The following ARMH3 variants were observed in gnomAD, a reference collection of about 807,000 sequenced individuals.
ARMH3 encodes the protein armadillo-like helical domain-containing protein 3.
In ARMH3, 60 loss-of-function variants were observed where a neutral mutation model predicts 99.1. The ratio of observed to expected loss-of-function variants is 0.61; its 90% CI spans 0.49 to 0.75. The LOEUF (loss-of-function observed/expected upper bound fraction) is 0.75. ARMH3 is among the 30% of genes least tolerant of loss of function. The pLI, the probability that ARMH3 is intolerant of heterozygous loss-of-function variation, is 0.00. For missense variants in ARMH3, 679 were observed against 843.1 expected (o/e 0.81, Z 2.41); for synonymous variants, 285 against 292.8 (o/e 0.97, Z 0.27).
At chr10:102,036,077 G>A (rs1160527276) in intron 2 of ARMH3, among the ~76,000 whole-genome samples, 2 of 149,976 alleles carry the variant, frequency 1.3e-5, no homozygotes, top group African/African-American at 4.9e-5. Context: ...GAAGTGAGGA[G>A]CACCTCCGCC....
At chr10:101,899,415 T>C (rs919320337) in intron 23 of ARMH3, among the ~76,000 whole-genome samples, 1 of 152,232 alleles carries the variant, frequency 6.6e-6, no homozygotes, top group African/African-American at 2.4e-5. Context: ...TATGTGGCAG[T>C]AGTTAAAATG....
At chr10:101,911,374 G>A (rs1256213918) in intron 23 of ARMH3, among the ~76,000 whole-genome samples, 2 of 152,214 alleles carry the variant, frequency 1.3e-5, no homozygotes, top group Non-Finnish European at 1.5e-5. Context: ...AGCAGGAAGT[G>A]TAGATGATAA....
intron 23 of ARMH3, among the ~76,000 whole-genome samples, chr10:101,926,462 A>G (rs1321179512): frequency 6.6e-6 from 1 of 152,190 alleles, no homozygotes; most frequent in Non-Finnish European, 1.5e-5. Context: ...GCAGCCAAAC[A>G]TGAGAATTTA....
chr10:101,919,438 T>G (rs897384844), intron 23 of ARMH3, among the ~76,000 whole-genome samples: 3 of 152,124 alleles, frequency 2.0e-5, no homozygotes, highest in African/African-American at 7.2e-5. Flanking sequence ...GAACAGCCCT[T>G]TCTTTGCCAA....
At chr10:101,992,254 CA>C (rs1370641505) in intron 17 of ARMH3, among the ~76,000 whole-genome samples, 1 of 152,048 alleles carries the variant, frequency 6.6e-6, no homozygotes, top group African/African-American at 2.4e-5. Flanking sequence ...ACGCCTGTTA[CA>C]AAATTACAAT....
At chr10:101,860,439 G>A (rs1375770204) in intron 24 of ARMH3, among the ~76,000 whole-genome samples, 1 of 152,148 alleles carries the variant, frequency 6.6e-6, no homozygotes, top group Non-Finnish European at 1.5e-5. Context: ...ATATCAGGCA[G>A]TGCAGGACAG....
intron 8 of ARMH3, among the ~76,000 whole-genome samples, chr10:102,020,127 G>A (rs557922059): frequency 6.6e-6 from 1 of 151,916 alleles, no homozygotes; most frequent in Non-Finnish European, 1.5e-5. Context: ...GAGTTAAAAA[G>A]CTTTAAAAAA....
At position 101,984,723 on chromosome 10, in the gene ARMH3, T is replaced by A. The variant is rs17114323; in HGVS notation, c.1406+5828A>T. Reference sequence around the variant, plus strand: ...GCCTTGTGGTTTCAATAATTTATACTATTTATCAAGCAGAATGAAAATTTT... The same window carrying A: ...GCCTTGTGGTTTCAATAATTTATACAATTTATCAAGCAGAATGAAAATTTT... On this transcript the variant is annotated intron_variant, in intron 19 of 25. Coordinates refer to ENST00000370033, the MANE Select transcript of ARMH3 (RefSeq NM_024541.3). Among the ~76,000 whole-genome samples, 893 of 152,172 alleles carry A rather than the reference T, an allele frequency of 5.9e-3. 32 individuals are homozygous for A. The East Asian group carries it at 0.11, about 18-fold the overall frequency.
At chr10:101,863,447 C>G (rs1411024541) in intron 24 of ARMH3, among the ~76,000 whole-genome samples, 1 of 152,078 alleles carries the variant, frequency 6.6e-6, no homozygotes. Flanking sequence ...CATATAGTTA[C>G]AAGTTGAAGG....
intron 20 of ARMH3, among the ~76,000 whole-genome samples, chr10:101,965,258 C>T (rs1047506487): frequency 6.6e-6 from 1 of 152,182 alleles, no homozygotes; most frequent in African/African-American, 2.4e-5. Context: ...ACAAACACTC[C>T]AGTCTCACTT....
Position 102,001,862 on chromosome 10 carries a change from G to A in ARMH3, c.1150+109C>T, listed in dbSNP as rs2066368735. 6 of 956,746 alleles carry A rather than the reference G, an allele frequency of 6.3e-6. No homozygotes were observed. In the South Asian group the frequency reaches 9.3e-5, roughly 15 times the overall value. The allele number at this position is 956,746 out of a possible 1,614,324, so 59.3% of individuals were successfully genotyped here. ...CAGCAATGAAGACCATGTACACAAGGCCCCAATAGTTCATCTTGTCAAAGC... is the reference window on the plus strand; with the variant it reads ...CAGCAATGAAGACCATGTACACAAGACCCCAATAGTTCATCTTGTCAAAGC... On this transcript the variant is annotated intron_variant, in intron 15 of 25. Transcript: ENST00000370033.
chr10:101,962,903 T>C (rs570681381), intron 20 of ARMH3, among the ~76,000 whole-genome samples: 1 of 152,200 alleles, frequency 6.6e-6, no homozygotes, highest in East Asian at 1.9e-4. Flanking sequence ...ATTCCACTGA[T>C]TAGCCCCTCA....
chr10:101,987,474 G>A (rs1846564887), intron 19 of ARMH3, among the ~76,000 whole-genome samples: 1 of 152,084 alleles, frequency 6.6e-6, no homozygotes, highest in African/African-American at 2.4e-5. Flanking sequence ...ACAGCCTCCG[G>A]GGTCAGACAT....
rs1172914810 is a variant in ARMH3 at position 101,846,672 on chromosome 10, G to A, written c.*856C>T. 6.6e-6 allele frequency: 1 copy of A among 152,204 alleles called. No individual in the cohort carries two copies. Among genetic ancestry groups the A allele is most frequent in the African/African-American group, 2.4e-5 (1 of 41,422 alleles). 9.4% of individuals were successfully genotyped at this position (152,204 alleles called of 1,614,324 possible). A position where few individuals can be genotyped will look rare whatever the true frequency, so the allele number is the denominator to read the frequency against. ...AAGTCAATTCTGAATTCAGAAAATA[G>A]GAAAACTGGCTGGGTGTGGTGGCTC... On this transcript the variant is annotated 3_prime_UTR_variant, in exon 26 of 26. Coordinates refer to ENST00000370033, the MANE Select transcript of ARMH3 (RefSeq NM_024541.3).
chr10:101,945,515 C>T (rs1287493814), intron 22 of ARMH3, among the ~76,000 whole-genome samples: 92 of 151,960 alleles, frequency 6.1e-4, no homozygotes, highest in African/African-American at 2.4e-5. Flanking sequence ...GTCAGGAGTT[C>T]GAGACCAGCC....
At chr10:101,972,239 G>T (rs989957338) in intron 20 of ARMH3, among the ~76,000 whole-genome samples, 3 of 152,132 alleles carry the variant, frequency 2.0e-5, no homozygotes, top group African/African-American at 7.2e-5. Context: ...TAATAACAAA[G>T]AGCTAATACA....
chr10:101,851,535 A>G (rs2066600746), intron 24 of ARMH3, among the ~76,000 whole-genome samples: 1 of 152,192 alleles, frequency 6.6e-6, no homozygotes, highest in African/African-American at 2.4e-5. Flanking sequence ...AGAGGAAATA[A>G]GCCAGAGTCA....
chr10:101,875,111 T>C (rs2067229150), intron 24 of ARMH3, among the ~76,000 whole-genome samples: 1 of 152,142 alleles, frequency 6.6e-6, no homozygotes, highest in Non-Finnish European at 1.5e-5. Context: ...CTTCTCTGCC[T>C]TACTGCACTA....
chr10:101,988,144 G>T (rs1284114222), intron 19 of ARMH3, among the ~76,000 whole-genome samples: 2 of 152,156 alleles, frequency 1.3e-5, no homozygotes, highest in South Asian at 4.1e-4. Flanking sequence ...CACAGCAGTA[G>T]ATAACTAATA....
Sources: allele counts gnomAD v4.1 joint callset (sites outside exome capture counted in the v4.1 genomes callset), GRCh38; gene constraint gnomAD v4.1.1; transcripts MANE v1.5; gene names NCBI Gene and HGNC (gene_info 2026-07-23, HGNC 2026-07-21).